Variants in PVT1 observed in about 807,000 individuals in gnomAD.
PVT1 encodes CXCR4/PVT1 fusion.
At chr8:128,052,787 T>C (rs1462546202) in intron 4 of PVT1, among the ~76,000 whole-genome samples, 1 of 152,230 alleles carries the variant, frequency 6.6e-6, no homozygotes, top group Non-Finnish European at 1.5e-5. Context: ...GTTCTTTATG[T>C]TTACCAAATT....
At chr8:128,001,901 A>G (rs1206660810) in intron 4 of PVT1, among the ~76,000 whole-genome samples, 1 of 151,766 alleles carries the variant, frequency 6.6e-6, no homozygotes, top group African/African-American at 2.4e-5. Context: ...AGGACTCAAC[A>G]CTCGTGACTG....
intron 4 of PVT1, among the ~76,000 whole-genome samples, chr8:127,999,604 GGT>G (rs1817151511): frequency 6.6e-6 from 1 of 152,086 alleles, no homozygotes; most frequent in African/African-American, 2.4e-5. Flanking sequence ...TGGGATTACA[GGT>G]GCACACCACC....
intron 3 of PVT1, among the ~76,000 whole-genome samples, chr8:127,944,889 C>CCCT (rs1433092674): frequency 6.6e-6 from 1 of 152,210 alleles, no homozygotes; most frequent in African/African-American, 2.4e-5. Context: ...TTGGTTCCTT[C>CCCT]CCTCCCCGTG....
chr8:128,078,239 CT>C (rs1814117438), intron 5 of PVT1, among the ~76,000 whole-genome samples: 1 of 152,196 alleles, frequency 6.6e-6, no homozygotes, highest in Non-Finnish European at 1.5e-5. Context: ...TGCCTAGCCT[CT>C]TGTAAGAAAT....
chr8:127,986,093 C>T (rs1307003666), intron 3 of PVT1, among the ~76,000 whole-genome samples: 2 of 152,218 alleles, frequency 1.3e-5, no homozygotes, highest in African/African-American at 4.8e-5. Flanking sequence ...AGGACTGCCT[C>T]CCCTTGTTCA....
chr8:127,946,278 G>C (rs544507541), intron 3 of PVT1, among the ~76,000 whole-genome samples: 1 of 152,358 alleles, frequency 6.6e-6, no homozygotes, highest in African/African-American at 2.4e-5. Flanking sequence ...AGGTGCTAGG[G>C]ATGTAAGAGC....
chr8:127,883,744 A>G (rs920150867), intron 2 of PVT1, among the ~76,000 whole-genome samples: 2 of 152,202 alleles, frequency 1.3e-5, no homozygotes, highest in Non-Finnish European at 2.9e-5. Context: ...GAGAGGAGAG[A>G]GATGGAGCCA....
chr8:127,800,350 C>T (rs1488354623), intron 2 of PVT1, among the ~76,000 whole-genome samples: 1 of 152,172 alleles, frequency 6.6e-6, no homozygotes, highest in Non-Finnish European at 1.5e-5. Flanking sequence ...CCCTGCCCTC[C>T]TGAAGCTTCT....
In PVT1 at chr8:127,880,790, G is replaced by A. The variant is rs948211595; in HGVS notation, n.373-9799G>A. Among the ~76,000 whole-genome samples the A allele has an allele frequency of 9.9e-5, 15 of 152,006 alleles. No individual in the cohort carries two copies. The East Asian group carries it at 1.7e-3, about 18-fold the overall frequency. On this transcript the variant is annotated intron_variant and non_coding_transcript_variant, in intron 2 of 10. Coordinates refer to ENST00000651587, the Ensembl canonical transcript of PVT1. The stretch of plus-strand genomic sequence containing the variant: ...TAATTTTTTGTACTTTAGTAGAGAC[G>A]GGGTTTTGCCATGCTGGCCAGGCTG...
At chr8:128,030,747 C>T (rs1293745267) in intron 4 of PVT1, among the ~76,000 whole-genome samples, 1 of 152,190 alleles carries the variant, frequency 6.6e-6, no homozygotes, top group Non-Finnish European at 1.5e-5. Context: ...ACAGGAAGTT[C>T]AGTCTTCTTT....
At chr8:127,838,808 T>C (rs1814937128) in intron 2 of PVT1, among the ~76,000 whole-genome samples, 1 of 152,228 alleles carries the variant, frequency 6.6e-6, no homozygotes. Flanking sequence ...TCATCTTCGT[T>C]ATAACCCTAT....
chr8:128,012,748 T>C (rs1346200855), intron 4 of PVT1, among the ~76,000 whole-genome samples: 1 of 152,220 alleles, frequency 6.6e-6, no homozygotes, highest in African/African-American at 2.4e-5. Flanking sequence ...TTGTACCTTG[T>C]AAACAAGTCA....
At chr8:127,954,062 A>G (rs557958413) in intron 3 of PVT1, among the ~76,000 whole-genome samples, 4 of 152,294 alleles carry the variant, frequency 2.6e-5, no homozygotes, top group South Asian at 2.1e-4. Context: ...AACCAAAACC[A>G]TGGACTTTTG....
intron 3 of PVT1, among the ~76,000 whole-genome samples, chr8:127,951,394 G>T (rs1467859124): frequency 2.0e-5 from 3 of 152,208 alleles, no homozygotes; most frequent in African/African-American, 7.2e-5. Context: ...CAGGGGTAGG[G>T]CCCTGGGTAG....
At chr8:128,096,013 G>A (rs1352028365) in intron 5 of PVT1, among the ~76,000 whole-genome samples, 1 of 152,160 alleles carries the variant, frequency 6.6e-6, no homozygotes, top group Non-Finnish European at 1.5e-5. Flanking sequence ...ATTCATTAGG[G>A]ATTAACCATG....
chr8:128,015,053 A>AGATT (rs1489706061), intron 4 of PVT1, among the ~76,000 whole-genome samples: 2 of 124,266 alleles, frequency 1.6e-5, no homozygotes, highest in South Asian at 5.4e-4. Flanking sequence ...AAAGAGAAAT[A>AGATT]GATTTATTTA....
chr8:127,837,713 C>T (rs1351140199), intron 2 of PVT1, among the ~76,000 whole-genome samples: 10 of 152,056 alleles, frequency 6.6e-5, no homozygotes, highest in South Asian at 6.2e-4. Flanking sequence ...TATTGTTTAG[C>T]GATGGGGAAA....
intron 3 of PVT1, among the ~76,000 whole-genome samples, chr8:127,936,617 C>T (rs1393687123): frequency 6.6e-6 from 1 of 152,172 alleles, no homozygotes; most frequent in Non-Finnish European, 1.5e-5. Flanking sequence ...TCATTTCCCT[C>T]CCGCCGTGAT....
chr8:127,915,379 G>A (rs1269336957), intron 3 of PVT1, among the ~76,000 whole-genome samples: 1 of 151,724 alleles, frequency 6.6e-6, no homozygotes, highest in African/African-American at 2.4e-5. Context: ...GGAGGCCGAG[G>A]CGGGCGGCAG....
Sources: allele counts gnomAD v4.1 joint callset (sites outside exome capture counted in the v4.1 genomes callset), GRCh38; gene constraint gnomAD v4.1.1; transcripts MANE v1.5; gene names NCBI Gene and HGNC (gene_info 2026-07-23, HGNC 2026-07-21).